The following NES variants were observed in gnomAD, a reference collection of about 807,000 sequenced individuals.
NES encodes the protein nestin.
In NES, 27 loss-of-function variants were observed where a neutral mutation model predicts 35.6. The ratio of observed to expected loss-of-function variants is 0.76; its 90% CI spans 0.56 to 1.04. The LOEUF is 1.04. NES is among the 50% of genes least tolerant of loss of function. The probability of loss-of-function intolerance (pLI) is 0.00; values close to 1 mark genes in which losing one functional copy is unlikely to be tolerated. For missense variants in NES, 1,867 were observed against 1,983.6 expected (o/e 0.94, Z 1.12); for synonymous variants, 822 against 824.2 (o/e 1.00, Z 0.04).
intron 2 of NES, among the ~76,000 whole-genome samples, chr1:156,674,106 G>A (rs982996767): frequency 6.6e-6 from 1 of 152,080 alleles, no homozygotes; most frequent in East Asian, 1.9e-4. Context: ...ATTCCTCGGG[G>A]CCCACCAGAC....
rs1053940160 is a variant in NES, at chr1:156,676,190, G to A, written c.783+292C>T. On this transcript the variant is annotated intron_variant, in intron 1 of 3. Transcript: ENST00000368223. The surrounding 1 kb of genome is among the most constrained non-coding windows in gnomAD (Gnocchi z 5.3). Reference sequence around the variant, plus strand: ...ACCAGAGCCTGGGAAGGGACCCGGAGCCCCGGTCATCATCAGAGCCAGAAG... The same window carrying A: ...ACCAGAGCCTGGGAAGGGACCCGGAACCCCGGTCATCATCAGAGCCAGAAG... 6.6e-6 allele frequency among the ~76,000 whole-genome samples: 1 copy of A among 152,246 alleles called. No individual in the cohort carries two copies. The highest frequency in any genetic ancestry group is 2.4e-5 in the African/African-American group (1 of 41,472).
chr1:156,676,623 C>A lies in NES; in HGVS notation c.642G>T (p.Ala214=). The change falls in exon 1 of 4, where the codon GCG becomes GCT. Residue 214 remains alanine (A), a synonymous_variant. Coordinates refer to ENST00000368223, the MANE Select transcript of NES (RefSeq NM_006617.2). The surrounding 1 kb of genome is among the most constrained non-coding windows in gnomAD (Gnocchi z 5.3). ...GGCGGCCCTCGCGGGCACCCTGCAC[C>A]GCCCGGCCCAGCCGCTCGCGGGCCT... ...LGQARERLGR[A]VQGAREGRLE... 1.3e-6 allele frequency: 2 copies of A among 1,544,348 alleles called. No individual in the cohort carries two copies. Among genetic ancestry groups the A allele is most frequent in the Admixed American group, 2.0e-5 (1 of 49,200 alleles).
chr1:156,672,429 T>G lies in NES; in HGVS notation c.1759A>C (p.Lys587Gln). Residue 587 changes from lysine (K) to glutamine (Q), a missense_variant, in exon 4 of 4, where the codon AAA (lysine) becomes CAA (glutamine). Coordinates refer to ENST00000368223, the MANE Select transcript of NES (RefSeq NM_006617.2). ...RSLEEDLETL[K>Q]SLEKENKELL... ...TCTTTATTTTCCTTTTCTAGACTTT[T>G]TAGTGTTTCTAAGTCTTCTTCTAAA... 6.2e-7 allele frequency: 1 copy of G among 1,611,816 alleles called. No individual in the cohort carries two copies. The highest frequency in any genetic ancestry group is 1.3e-5 in the African/African-American group (1 of 74,744).
At position 156,676,797 on chromosome 1, in the gene NES, G is replaced by A. The variant is rs767013517; in HGVS notation, c.468C>T (p.Ala156=). The A allele has an allele frequency of 7.1e-7, 1 of 1,407,532 alleles. No homozygotes were observed. The highest frequency in any genetic ancestry group is 9.1e-7 in the Non-Finnish European group (1 of 1,093,634). The allele number at this position is 1,407,532 out of a possible 1,614,324, so 87.2% of individuals were successfully genotyped here. A position where few individuals can be genotyped will look rare whatever the true frequency, so the allele number is the denominator to read the frequency against. The change falls in exon 1 of 4, where the codon GCC becomes GCT. Residue 156 remains alanine, a synonymous_variant. Transcript: ENST00000368223. This position sits in a 1 kb window ranked among gnomAD's most constrained non-coding sequence, Gnocchi z 5.3. ...GCGGCGCGGGGCAGCGGGGGGCACA[G>A]GCAGCCTGCGCGTTCAGGCCGACGC... ...EERVGLNAQA[A]CAPRCPAPPR...
intron 1 of NES, among the ~76,000 whole-genome samples, chr1:156,675,608 A>AT (rs1450357547): frequency 6.6e-6 from 1 of 152,028 alleles, no homozygotes; most frequent in Non-Finnish European, 1.5e-5. Context: ...ATGGTAGCAC[A>AT]TGTTGCTCAG....
At position 156,669,736 on chromosome 1, in the gene NES, G is replaced by A. The variant is rs760901033; in HGVS notation, c.4452C>T (p.Ala1484=). The A allele has an allele frequency of 6.2e-7, 1 of 1,613,880 alleles. No individual in the cohort carries two copies. Among genetic ancestry groups the A allele is most frequent in the African/African-American group, 1.3e-5 (1 of 74,888 alleles). Residue 1484 remains alanine (A), a synonymous_variant, in exon 4 of 4, where the codon GCC becomes GCT. Coordinates refer to ENST00000368223, the MANE Select transcript of NES (RefSeq NM_006617.2). ...CACTGTCCTGGGACTCCGTTTCCAG[G>A]GCAGTCTTGGGGGCACCAGCCACTG... ...RGAVAGAPKT[A]LETESQDSAE... is the part of the protein sequence containing the mutation.
chr1:156,669,272 T>C lies in NES; in HGVS notation c.*50A>G, dbSNP rs1361129683. The C allele has an allele frequency of 1.5e-6, 2 of 1,366,932 alleles. No homozygotes were observed. The allele number at this position is 1,366,932 out of a possible 1,614,324, so 84.7% of individuals were successfully genotyped here. The stretch of plus-strand genomic sequence containing the variant: ...GCAGGGAGCGGGCTTGGAGGCGTCC[T>C]TCCCCTCCCCGCACCCCTAAGTCCC... On this transcript the variant is annotated 3_prime_UTR_variant, in exon 4 of 4. Coordinates refer to ENST00000368223, the MANE Select transcript of NES (RefSeq NM_006617.2).
rs1389332640 is a variant in NES at position 156,671,509 on chromosome 1, T to C, written c.2679A>G (p.Arg893=). 8 of 1,613,894 alleles carry C rather than the reference T, an allele frequency of 5.0e-6. No homozygotes were observed. In the Admixed American group the frequency reaches 8.3e-5, roughly 17 times the overall value. The change falls in exon 4 of 4, where the codon AGA becomes AGG. Residue 893 remains arginine (R), a synonymous_variant. Coordinates refer to ENST00000368223, the MANE Select transcript of NES (RefSeq NM_006617.2). The part of the protein sequence containing the change: ...LLEEENQESL[R]SLGAWNLENL... The stretch of plus-strand genomic sequence containing the variant: ...TCTCCAGGTTCCATGCTCCCAGAGA[T>C]CTCAATGATTCCTGATTCTCCTCTT...
chr1:156,675,686 GA>G (rs370067637), intron 1 of NES, among the ~76,000 whole-genome samples: 7 of 151,722 alleles, frequency 4.6e-5, no homozygotes, highest in East Asian at 2.0e-4. Flanking sequence ...AGAAGAGGGG[GA>G]AAAAAAAGCG....
chr1:156,672,797 G>T lies in NES; in HGVS notation c.1391C>A (p.Ala464Asp). The change falls in exon 4 of 4, where the codon GCC (alanine) becomes GAC (aspartate). Residue 464 changes from alanine to aspartate, a missense_variant. Coordinates refer to ENST00000368223, the MANE Select transcript of NES (RefSeq NM_006617.2). ...ASTGQSPEDH[A>D]SLAPPLSPDH... is the part of the protein sequence containing the mutation. ...AGGGCTGAGGGGTGGTGCCAAGGAG[G>T]CATGGTCCTCTGGGGACTGGCCTGT... The T allele has an allele frequency of 1.2e-6, 2 of 1,613,556 alleles. No individual in the cohort carries two copies. Among genetic ancestry groups the T allele is most frequent in the Non-Finnish European group, 1.7e-6 (2 of 1,180,032 alleles).
intron 3 of NES, 39 bp from the exon 4 acceptor site, chr1:156,673,244 C>T: frequency 6.9e-7 from 1 of 1,442,072 alleles, no homozygotes; most frequent in South Asian, 1.4e-5. Context: ...ATCAGTATAT[C>T]ACTGGCAATG....
chr1:156,677,094 G>T lies in NES; in HGVS notation c.171C>A (p.Asp57Glu), dbSNP rs1316100765. The stretch of plus-strand genomic sequence containing the variant: ...GGGCCCGCAGGGCCGCCAGCTCGTC[G>T]TCGGCATGCGCCCGCCAGGAGGTGT... The part of the protein sequence containing the change: ...SADTSWRAHA[D>E]DELAALRALV... Residue 57 changes from aspartate (D) to glutamate (E), a missense_variant, in exon 1 of 4, where the codon GAC becomes GAA. By Grantham distance (45) the Asp-to-Glu change is conservative (BLOSUM62 2). Coordinates refer to ENST00000368223, the MANE Select transcript of NES (RefSeq NM_006617.2). This position sits in a 1 kb window ranked among gnomAD's most constrained non-coding sequence, Gnocchi z 4.5. 3 of 1,603,380 alleles carry T rather than the reference G, an allele frequency of 1.9e-6. No individual in the cohort carries two copies. The highest frequency in any genetic ancestry group is 2.6e-6 in the Non-Finnish European group (3 of 1,176,158).
In NES at chr1:156,675,217, T is replaced by G; in HGVS notation, c.907A>C (p.Arg303=). 6.2e-7 allele frequency: 1 copy of G among 1,613,146 alleles called. No homozygotes were observed. Among genetic ancestry groups the G allele is most frequent in the Non-Finnish European group, 8.5e-7 (1 of 1,179,652 alleles). The change falls in exon 2 of 4, where the codon AGG becomes CGG. Residue 303 remains arginine, a splice_region_variant and synonymous_variant. Coordinates refer to ENST00000368223, the MANE Select transcript of NES (RefSeq NM_006617.2). ...MSLSLEVATY[R]TLLEAENSRL... ...GGGTGGACAGGGCTCGTCTCGTACC[T>G]GTACGTGGCCACCTCCAGGCTGAGG...
rs74118731 is a variant in NES at position 156,669,969 on chromosome 1, C to T, written c.4219G>A (p.Gly1407Arg). ...LLDPAAWDRD[G>R]ESDGFADEEE... ...TCATCTGCAAACCCATCGGACTCCC[C>T]ATCTCGATCCCAGGCTGCAGGATCC... is the stretch of plus-strand genomic sequence containing the variant. Residue 1407 changes from glycine (G) to arginine (R), a missense_variant, in exon 4 of 4, where the codon GGG becomes AGG. Coordinates refer to ENST00000368223, the MANE Select transcript of NES (RefSeq NM_006617.2). The T allele has an allele frequency of 1.9e-3, 3,019 of 1,613,802 alleles. 49 individuals are homozygous for T. The African/African-American group carries it at 0.035, about 19-fold the overall frequency.
rs1484155493 is a variant in NES, at chr1:156,673,112, G to A, written c.1076C>T (p.Pro359Leu). The change falls in exon 4 of 4, where the codon CCC becomes CTC. Residue 359 changes from proline to leucine, a missense_variant. Pro to Leu is a moderately conservative substitution (Grantham distance 98). Transcript: ENST00000368223. ...AGGTGTCTCAAGGGTAGCAGGCAAG[G>A]GTGAGGGGAGGGAAGTTGGGCTCAG... ...PVLSPTSLPS[P>L]LPATLETPVP... 6.3e-7 allele frequency: 1 copy of A among 1,590,390 alleles called. No individual in the cohort carries two copies. Among genetic ancestry groups the A allele is most frequent in the Non-Finnish European group, 8.6e-7 (1 of 1,166,138 alleles).
rs754773164 is a variant in NES, at chr1:156,677,042, G to A, written c.223C>T (p.His75Tyr). 3.3e-5 allele frequency: 52 copies of A among 1,587,024 alleles called. No homozygotes were observed. The East Asian group carries it at 9.9e-4, about 30-fold the overall frequency. The change falls in exon 1 of 4, where the codon CAC (histidine) becomes TAC (tyrosine). Residue 75 changes from histidine to tyrosine, a missense_variant. His to Tyr is a moderately conservative substitution (Grantham distance 83). Transcript: ENST00000368223. The surrounding 1 kb of genome is among the most constrained non-coding windows in gnomAD (Gnocchi z 4.5). ...TTGTCGCGCGCCACCTCGGCCGCGT[G>A]CTTCTCCCGCCAGCGTTGGTCAACG... ...ALVDQRWREK[H>Y]AAEVARDNLA... is the part of the protein sequence containing the mutation.
chr1:156,677,173 T>G lies in NES; in HGVS notation c.92A>C (p.Glu31Ala). ...AYLARVKALE[E>A]QNELLSAELG... ...CTCCGCGCTGAGCAGCTCATTCTGCTCCTCCAGCGCCTTGACCCGGGCCAG... is the reference window on the plus strand; with the variant it reads ...CTCCGCGCTGAGCAGCTCATTCTGCGCCTCCAGCGCCTTGACCCGGGCCAG... The change falls in exon 1 of 4, where the codon GAG becomes GCG. Residue 31 changes from glutamate to alanine, a missense_variant. Physicochemically the swap from Glu to Ala is moderately radical, Grantham distance 107. Transcript: ENST00000368223. The surrounding 1 kb of genome is among the most constrained non-coding windows in gnomAD (Gnocchi z 4.5). 1.9e-6 allele frequency: 3 copies of G among 1,612,272 alleles called. No individual in the cohort carries two copies. Among genetic ancestry groups the G allele is most frequent in the Non-Finnish European group, 2.5e-6 (3 of 1,179,768 alleles).
Position 156,672,003 on chromosome 1 carries a change from C to G in NES, c.2185G>C (p.Asp729His), listed in dbSNP as rs748284172. The change falls in exon 4 of 4, where the codon GAC (aspartate) becomes CAC (histidine). Residue 729 changes from aspartate to histidine, a missense_variant. By Grantham distance (81) the Asp-to-His change is moderately conservative. Coordinates refer to ENST00000368223, the MANE Select transcript of NES (RefSeq NM_006617.2). ...TCTAGAGGTCTCACAATACTCTGGTCCTCTTCTTCTAGAGTCTTCAGTGGC... is the reference window on the plus strand; with the variant it reads ...TCTAGAGGTCTCACAATACTCTGGTGCTCTTCTTCTAGAGTCTTCAGTGGC... ...QEPLKTLEEE[D>H]QSIVRPLETE... 3 of 1,614,044 alleles carry G rather than the reference C, an allele frequency of 1.9e-6. No individual in the cohort carries two copies. Among genetic ancestry groups the G allele is most frequent in the Non-Finnish European group, 2.5e-6 (3 of 1,180,014 alleles).
Position 156,675,206 on chromosome 1 carries a change from C to T in NES, c.908+10G>A, listed in dbSNP as rs542350786. 4.4e-4 allele frequency: 712 copies of T among 1,611,928 alleles called. 7 individuals carry two copies. The South Asian group carries it at 7.0e-3, about 16-fold the overall frequency. ...TCTGTGTGCCTGGGTGGACAGGGCT[C>T]GTCTCGTACCTGTACGTGGCCACCT... On this transcript the variant is annotated intron_variant, in intron 2 of 3. Coordinates refer to ENST00000368223, the MANE Select transcript of NES (RefSeq NM_006617.2).
Sources: allele counts gnomAD v4.1 joint callset (sites outside exome capture counted in the v4.1 genomes callset), GRCh38; gene constraint gnomAD v4.1.1; non-coding constraint Gnocchi (gnomAD v3.1); transcripts MANE v1.5; gene names NCBI Gene and HGNC (gene_info 2026-07-23, HGNC 2026-07-21).